The following SGCD variants were observed in gnomAD, a reference collection of about 807,000 sequenced individuals.
SGCD encodes the protein delta-sarcoglycan.
SGCD carries 18 observed loss-of-function variants against 36.6 expected under a neutral mutation model. That is an observed-to-expected ratio of 0.49 (90% CI 0.34 to 0.73). The LOEUF (loss-of-function observed/expected upper bound fraction) is 0.73. Among genes scored for constraint, SGCD ranks in the 30% least tolerant of loss-of-function variants. The probability of loss-of-function intolerance (pLI) is 0.01; values close to 1 mark genes in which losing one functional copy is unlikely to be tolerated. For synonymous variants in SGCD, 133 were observed against 130.6 expected, an observed-to-expected ratio of 1.02 and a Z score of -0.12; for missense variants, 387 against 346.7, an observed-to-expected ratio of 1.12 and a Z score of -0.92.
At chr5:156,275,989 G>A (rs1489226974) in intron 3 of SGCD, among the ~76,000 whole-genome samples, 1 of 152,054 alleles carries the variant, frequency 6.6e-6, no homozygotes, top group East Asian at 1.9e-4. Context: ...TCAGTTTCGG[G>A]TATTATGTCT....
intron 3 of SGCD, among the ~76,000 whole-genome samples, chr5:156,435,537 G>T (rs1236724963): frequency 6.6e-6 from 1 of 152,186 alleles, no homozygotes; most frequent in Non-Finnish European, 1.5e-5. Context: ...GGAAGTGCTA[G>T]AAGTAATAAG....
intron 3 of SGCD, among the ~76,000 whole-genome samples, chr5:156,476,822 T>A (rs1755202186): frequency 6.6e-6 from 1 of 152,132 alleles, no homozygotes; most frequent in Non-Finnish European, 1.5e-5. Flanking sequence ...GTAAACTAAA[T>A]CCTTGCACTT....
chr5:156,506,681 G>T (rs1009378078), intron 3 of SGCD, among the ~76,000 whole-genome samples: 1 of 152,078 alleles, frequency 6.6e-6, no homozygotes, highest in Non-Finnish European at 1.5e-5. Context: ...ATAATAATTG[G>T]GCTAGAATGA....
chr5:156,501,942 C>T (rs890122739), intron 3 of SGCD, among the ~76,000 whole-genome samples: 2 of 152,024 alleles, frequency 1.3e-5, no homozygotes, highest in Non-Finnish European at 2.9e-5. Flanking sequence ...TTCATGCTTG[C>T]CTTAAGAAAA....
At chr5:156,622,850 C>T (rs892994892) in intron 6 of SGCD, among the ~76,000 whole-genome samples, 2 of 151,932 alleles carry the variant, frequency 1.3e-5, no homozygotes, top group Non-Finnish European at 2.9e-5. Flanking sequence ...GAGGAAAGAA[C>T]GGTGGGAGAA....
chr5:156,288,593 A>G (rs1001015806), intron 3 of SGCD, among the ~76,000 whole-genome samples: 24 of 152,162 alleles, frequency 1.6e-4, no homozygotes, highest in Admixed American at 3.3e-4. Flanking sequence ...AAATAATACA[A>G]TGGCAAACTC....
intron 1 of SGCD, among the ~76,000 whole-genome samples, chr5:155,904,720 T>C (rs564892891): frequency 6.6e-6 from 1 of 152,318 alleles, no homozygotes; most frequent in African/African-American, 2.4e-5. Context: ...CTTGTAACTA[T>C]AGGTTTTTTA....
chr5:156,604,732 G>GTATATATACATATATACACATTTTATATT (rs1761348562), intron 6 of SGCD, among the ~76,000 whole-genome samples: 2 of 147,722 alleles, frequency 1.4e-5, no homozygotes. Context: ...CATTATATAT[G>GTATATATACATATATACACATTTTATATT]TATATATACA....
In SGCD at chr5:156,504,392, G is replaced by GTATATATATATATATA. The variant is rs59580975; in HGVS notation, c.193-4191_193-4176dup. On this transcript the variant is annotated intron_variant, in intron 3 of 8. Transcript: ENST00000337851. ...CATGAGTATATGTGGGTGTGTGTGTGTATATATATATATATATATATATAT... is the reference window on the plus strand; with the variant it reads ...CATGAGTATATGTGGGTGTGTGTGTGTATATATATATATATATATATATATATATATATATATATAT... Among the ~76,000 whole-genome samples, 416 of 74,914 alleles carry GTATATATATATATATA rather than the reference G, an allele frequency of 5.6e-3. 3 individuals carry two copies. Among genetic ancestry groups the GTATATATATATATATA allele is most frequent in the African/African-American group, 0.014 (360 of 25,782 alleles). 49.1% of individuals were successfully genotyped at this position (74,914 alleles called of 152,430 possible).
At chr5:155,957,885 T>C (rs1449877810) in intron 1 of SGCD, among the ~76,000 whole-genome samples, 1 of 152,120 alleles carries the variant, frequency 6.6e-6, no homozygotes, top group African/African-American at 2.4e-5. Context: ...GATGGAAACA[T>C]GAGTACGTCA....
chr5:156,618,636 AT>A (rs753784173), intron 6 of SGCD, among the ~76,000 whole-genome samples: 1 of 149,464 alleles, frequency 6.7e-6, no homozygotes, highest in Non-Finnish European at 1.5e-5. Flanking sequence ...AACCTAGGTG[AT>A]TTCACTGCCT....
chr5:155,919,021 C>T (rs1580990623), intron 1 of SGCD, among the ~76,000 whole-genome samples: 1 of 152,220 alleles, frequency 6.6e-6, no homozygotes, highest in South Asian at 2.1e-4. Context: ...AGAGTGGCTT[C>T]CTGCCTCTTG....
intron 3 of SGCD, among the ~76,000 whole-genome samples, chr5:156,423,195 T>A (rs1773431048): frequency 9.1e-6 from 1 of 109,646 alleles, no homozygotes; most frequent in African/African-American, 4.5e-5. Context: ...TATAATATAA[T>A]ATTATATTTT....
At chr5:155,977,611 T>C (rs1008178426) in intron 1 of SGCD, among the ~76,000 whole-genome samples, 4 of 152,222 alleles carry the variant, frequency 2.6e-5, no homozygotes, top group African/African-American at 9.6e-5. Flanking sequence ...ATGTGTTTCT[T>C]ACCTATGCCA....
In SGCD at chr5:155,922,245, G is replaced by A. The variant is rs148630276; in HGVS notation, c.-282+51821G>A. 2.8e-3 allele frequency among the ~76,000 whole-genome samples: 427 copies of A among 152,246 alleles called. 1 individual carries two copies. The highest frequency in any genetic ancestry group is 0.02 in the South Asian group (95 of 4,814). On this transcript the variant is annotated intron_variant, in intron 1 of 9. Transcript: ENST00000517913. ...ACAAGGTCTTTGAGGTGACCTAGAA[G>A]GAAGAGTTTTGGCAGACATGAATTG...
At chr5:156,204,748 G>A (rs1663123507) in intron 3 of SGCD, among the ~76,000 whole-genome samples, 1 of 152,022 alleles carries the variant, frequency 6.6e-6, no homozygotes, top group African/African-American at 2.4e-5. Flanking sequence ...AAACAAACTG[G>A]TTTGTGTTTT....
chr5:156,071,107 G>T (rs1192890384), intron 1 of SGCD, among the ~76,000 whole-genome samples: 2 of 152,074 alleles, frequency 1.3e-5, no homozygotes, highest in African/African-American at 4.8e-5. Flanking sequence ...ATATTTTGAA[G>T]GGTTTTTTGT....
chr5:156,629,981 C>G lies in SGCD; in HGVS notation c.503-17483C>G, dbSNP rs182291605. Among the ~76,000 whole-genome samples, 1,084 of 151,662 alleles carry G rather than the reference C, an allele frequency of 7.1e-3. 12 individuals carry two copies. The highest frequency in any genetic ancestry group is 6.9e-3 in the South Asian group (33 of 4,808). Reference sequence around the variant, plus strand: ...GGTTCAAGTGACTGTCCTGCCTCAGCCTCCTCAGTAGCTGGGATTACAGGC... The same window carrying G: ...GGTTCAAGTGACTGTCCTGCCTCAGGCTCCTCAGTAGCTGGGATTACAGGC... On this transcript the variant is annotated intron_variant, in intron 6 of 8. Transcript: ENST00000337851.
At chr5:156,674,185 G>A (rs1343006602) in intron 7 of SGCD, among the ~76,000 whole-genome samples, 2 of 152,146 alleles carry the variant, frequency 1.3e-5, no homozygotes, top group Non-Finnish European at 2.9e-5. Flanking sequence ...GATTGGACAT[G>A]GCCCACTTTT....
Sources: allele counts gnomAD v4.1 joint callset (sites outside exome capture counted in the v4.1 genomes callset), GRCh38; gene constraint gnomAD v4.1.1; transcripts MANE v1.5; gene names NCBI Gene and HGNC (gene_info 2026-07-23, HGNC 2026-07-21).